DOCK5: variants seen among roughly 807,000 people sequenced by gnomAD.
DOCK5 encodes the protein dedicator of cytokinesis protein 5.
In DOCK5, 142 loss-of-function variants were observed where a neutral mutation model predicts 251.8. The observed-to-expected ratio is 0.56, with a 90% CI of 0.49 to 0.65. DOCK5 has a LOEUF of 0.65. Ranked by LOEUF, DOCK5 falls within the 30% of genes least tolerant of loss-of-function variation. The probability of loss-of-function intolerance (pLI) is 0.00; values close to 1 mark genes in which losing one functional copy is unlikely to be tolerated. For missense variants in DOCK5, 2,111 were observed against 2,312.3 expected (o/e 0.91, Z 1.79); for synonymous variants, 842 against 835.5 (o/e 1.01, Z -0.13).
At position 25,317,105 on chromosome 8, in the gene DOCK5, C is replaced by T; in HGVS notation, c.1417C>T (p.His473Tyr). 1.9e-6 allele frequency: 3 copies of T among 1,613,846 alleles called. No homozygotes were observed. The highest frequency in any genetic ancestry group is 2.5e-6 in the Non-Finnish European group (3 of 1,179,800). Residue 473 changes from histidine to tyrosine, a missense_variant, in exon 14 of 52, where the codon CAC becomes TAC. Around this residue, in one of 3 missense-constraint regions of DOCK5, gnomAD observed 1,717 missense variants for 1,892.4 expected, o/e 0.91. Coordinates refer to ENST00000276440, the MANE Select transcript of DOCK5 (RefSeq NM_024940.8). ...PKNVEVTMSV[H>Y]DEEGKLLEKA... ...GAATGTGGAGGTGACGATGTCTGTG[C>T]ACGATGAGGAGGGCAAGCTCTTGGA...
rs752667434 is a variant in DOCK5 at position 25,389,075 on chromosome 8, T to C, written c.4132-16T>C. The C allele has an allele frequency of 1.2e-6, 2 of 1,612,126 alleles. No individual in the cohort carries two copies. Among genetic ancestry groups the C allele is most frequent in the African/African-American group, 2.7e-5 (2 of 74,888 alleles). ...CTTCCTATGTAATGACTTCCCTTTC[T>C]GTGTCTCACCTGCAGAATAAAATCT... On this transcript the variant is annotated splice_polypyrimidine_tract_variant and intron_variant, in intron 40 of 51. Coordinates refer to ENST00000276440, the MANE Select transcript of DOCK5 (RefSeq NM_024940.8).
chr8:25,399,357 C>T (rs747021487), intron 45 of DOCK5, among the ~76,000 whole-genome samples: 2 of 152,216 alleles, frequency 1.3e-5, no homozygotes, highest in Non-Finnish European at 2.9e-5. Flanking sequence ...AATGTCTTCA[C>T]ATCTACATCT....
chr8:25,226,914 A>G (rs761546273), intron 1 of DOCK5, among the ~76,000 whole-genome samples: 62 of 152,200 alleles, frequency 4.1e-4, no homozygotes, highest in Non-Finnish European at 7.8e-4. Flanking sequence ...TACCATGGAC[A>G]TCTTTCCAGG....
chr8:25,243,585 T>G, intron 1 of DOCK5, 89 bp from the exon 2 acceptor site: 1 of 1,265,910 alleles, frequency 7.9e-7, no homozygotes, highest in Non-Finnish European at 1.1e-6. Context: ...CACCTCACCC[T>G]CTCAAAGTGC....
In DOCK5 at chr8:25,308,940, C is replaced by T; in HGVS notation, c.1192+15C>T. 1 of 1,531,566 alleles carries T rather than the reference C, an allele frequency of 6.5e-7. No homozygotes were observed. 94.9% of individuals were successfully genotyped at this position (1,531,566 alleles called of 1,614,324 possible). A position where few individuals can be genotyped will look rare whatever the true frequency, so the allele number is the denominator to read the frequency against. On this transcript the variant is annotated intron_variant, in intron 12 of 51. Coordinates refer to ENST00000276440, the MANE Select transcript of DOCK5 (RefSeq NM_024940.8). ...CAAAGGGCAAGGTACAGTCCAGTGC[C>T]AGAGCTGGGAGGGACTCTGCTGAGG...
intron 40 of DOCK5, among the ~76,000 whole-genome samples, chr8:25,387,739 G>A (rs1801189103): frequency 6.6e-6 from 1 of 152,134 alleles, no homozygotes; most frequent in South Asian, 2.1e-4. Context: ...TTCCGCCCCT[G>A]GGCCTGACTC....
At chr8:25,313,794 C>G (rs548385815) in intron 13 of DOCK5, among the ~76,000 whole-genome samples, 61 of 152,256 alleles carry the variant, frequency 4.0e-4, no homozygotes, top group Non-Finnish European at 6.9e-4. Context: ...TATGAGGACA[C>G]CAGTCATATT....
intron 1 of DOCK5, among the ~76,000 whole-genome samples, chr8:25,208,448 A>T (rs775554020): frequency 6.6e-6 from 1 of 152,224 alleles, no homozygotes; most frequent in African/African-American, 2.4e-5. Context: ...TTGCTGTCTT[A>T]TTTTAAGAAA....
intron 18 of DOCK5, among the ~76,000 whole-genome samples, chr8:25,329,582 T>C (rs1805636112): frequency 6.6e-6 from 1 of 152,176 alleles, no homozygotes; most frequent in South Asian, 2.1e-4. Flanking sequence ...GACAAGAATG[T>C]AAAATGAGGA....
intron 26 of DOCK5, among the ~76,000 whole-genome samples, chr8:25,349,801 C>T (rs1188740196): frequency 2.0e-5 from 3 of 152,158 alleles, no homozygotes; most frequent in South Asian, 2.1e-4. Context: ...TAAAAGACTA[C>T]GCATTGGGTA....
chr8:25,339,997 C>T (rs1486466711), intron 22 of DOCK5, among the ~76,000 whole-genome samples: 5 of 152,038 alleles, frequency 3.3e-5, no homozygotes, highest in East Asian at 1.9e-4. Context: ...GATTCGAGCT[C>T]GTAGGATTTG....
At chr8:25,274,375 A>G (rs1464579881) in intron 3 of DOCK5, among the ~76,000 whole-genome samples, 2 of 152,238 alleles carry the variant, frequency 1.3e-5, no homozygotes, top group East Asian at 1.9e-4. Flanking sequence ...GTAAGATACC[A>G]TGAAACAGAT....
chr8:25,301,613 C>G (rs1226557459), intron 9 of DOCK5, among the ~76,000 whole-genome samples: 2 of 151,860 alleles, frequency 1.3e-5, no homozygotes, highest in East Asian at 3.9e-4. Flanking sequence ...GTCTGTAATC[C>G]CAGCACTTTG....
intron 17 of DOCK5, 60 bp downstream of exon 17, chr8:25,324,011 C>T (rs1289131279): frequency 6.9e-7 from 1 of 1,456,986 alleles, no homozygotes; most frequent in Non-Finnish European, 9.2e-7. Context: ...ATTTAAGACT[C>T]CTTTCATATT....
At chr8:25,221,587 G>A (rs1464848240) in intron 1 of DOCK5, among the ~76,000 whole-genome samples, 7 of 152,252 alleles carry the variant, frequency 4.6e-5, no homozygotes, top group South Asian at 2.1e-4. Context: ...GATTACAGGC[G>A]TGAGCCACTG....
chr8:25,200,446 G>A (rs927135759), intron 1 of DOCK5, among the ~76,000 whole-genome samples: 2 of 152,294 alleles, frequency 1.3e-5, no homozygotes, highest in South Asian at 2.1e-4. Flanking sequence ...AGATTCTGAC[G>A]CAGTGATAGA....
chr8:25,295,198 G>C (rs1804587072), intron 6 of DOCK5, among the ~76,000 whole-genome samples: 1 of 152,022 alleles, frequency 6.6e-6, no homozygotes, highest in Non-Finnish European at 1.5e-5. Context: ...CAGCACTTTG[G>C]GAGACCGAAG....
chr8:25,195,206 T>C (rs189246620), intron 1 of DOCK5, among the ~76,000 whole-genome samples: 42 of 150,582 alleles, frequency 2.8e-4, no homozygotes, highest in Non-Finnish European at 5.0e-4. Flanking sequence ...CAGGAATGAG[T>C]CACCACGCCC....
chr8:25,308,477 T>G (rs534052024), intron 11 of DOCK5, among the ~76,000 whole-genome samples: 9 of 152,134 alleles, frequency 5.9e-5, no homozygotes, highest in Non-Finnish European at 1.0e-4. Context: ...TCAATTCTAT[T>G]GCAGCAGCCT....
Sources: allele counts gnomAD v4.1 joint callset (sites outside exome capture counted in the v4.1 genomes callset), GRCh38; gene constraint gnomAD v4.1.1; regional missense constraint gnomAD v4.1.1; transcripts MANE v1.5; gene names NCBI Gene and HGNC (gene_info 2026-07-23, HGNC 2026-07-21).